Variants in CATSPERB observed in about 807,000 individuals in gnomAD.
CATSPERB encodes the protein catsper channel auxiliary subunit beta.
Under a neutral mutation model 128.3 loss-of-function variants are expected in CATSPERB, and 93 were observed. That is an observed-to-expected ratio of 0.72 (90% CI 0.61 to 0.86). The LOEUF (loss-of-function observed/expected upper bound fraction) is 0.86. CATSPERB is among the 40% of genes least tolerant of loss of function. The pLI, the probability that CATSPERB is intolerant of heterozygous loss-of-function variation, is 0.00. For synonymous variants in CATSPERB, 381 were observed against 448.8 expected (o/e 0.85, Z 1.91); for missense variants, 1,153 against 1,329.5 (o/e 0.87, Z 2.06).
chr14:91,692,368 T>G (rs1199107533), intron 9 of CATSPERB, among the ~76,000 whole-genome samples: 1 of 152,130 alleles, frequency 6.6e-6, no homozygotes, highest in Non-Finnish European at 1.5e-5. Context: ...ACTTTGATTT[T>G]AAGCCATTGT....
intron 26 of CATSPERB, among the ~76,000 whole-genome samples, chr14:91,583,782 C>CTT (rs538890386): frequency 6.7e-6 from 1 of 149,662 alleles, no homozygotes; most frequent in Non-Finnish European, 1.5e-5. Context: ...GATCTTACTC[C>CTT]TTTTTTTTTT....
chr14:91,697,801 G>A (rs1480360213), intron 7 of CATSPERB, among the ~76,000 whole-genome samples: 2 of 152,168 alleles, frequency 1.3e-5, no homozygotes, highest in African/African-American at 2.4e-5. Context: ...ATAGTTTGAA[G>A]TTGGGTAATG....
chr14:91,622,326 AC>A (rs1396865615), intron 18 of CATSPERB, among the ~76,000 whole-genome samples: 1 of 152,200 alleles, frequency 6.6e-6, no homozygotes, highest in Non-Finnish European at 1.5e-5. Flanking sequence ...TGTGCTTATT[AC>A]ACAGAAGATA....
chr14:91,608,802 C>A (rs1893764259), intron 21 of CATSPERB, among the ~76,000 whole-genome samples: 1 of 152,056 alleles, frequency 6.6e-6, no homozygotes, highest in Non-Finnish European at 1.5e-5. Flanking sequence ...CAAATTCTGA[C>A]AAGGCAAAAG....
rs749619855 is a variant in CATSPERB, at chr14:91,583,224, CT to C, written c.3133-2118del. Among the ~76,000 whole-genome samples, 4 of 152,238 alleles carry C rather than the reference CT, an allele frequency of 2.6e-5. No homozygotes were observed. The South Asian group carries it at 8.3e-4, about 32-fold the overall frequency. On this transcript the variant is annotated intron_variant, in intron 26 of 26. Coordinates refer to ENST00000256343, the MANE Select transcript of CATSPERB (RefSeq NM_024764.4). ...ACGAGGTCAGGAGATTGAGACCATC[CT>C]GGCTAACATGGTGAAACCCCATCTC... is the stretch of plus-strand genomic sequence containing the variant.
chr14:91,658,911 G>A lies in CATSPERB; in HGVS notation c.1432+926C>T, dbSNP rs184681973. Among the ~76,000 whole-genome samples the A allele has an allele frequency of 1.2e-3, 180 of 151,334 alleles. 1 individual carries two copies. The highest frequency in any genetic ancestry group is 2.2e-3 in the Non-Finnish European group (147 of 67,822). ...ACAAAATAAAATGAAAGTGCAGGTCGCAAACATACAGAAATAAATTGAGAA... is the reference window on the plus strand; with the variant it reads ...ACAAAATAAAATGAAAGTGCAGGTCACAAACATACAGAAATAAATTGAGAA... On this transcript the variant is annotated intron_variant, in intron 15 of 26. Transcript: ENST00000256343.
At chr14:91,649,352 TGTGTGTGTG>T (rs1894664662) in intron 15 of CATSPERB, among the ~76,000 whole-genome samples, 1 of 151,588 alleles carries the variant, frequency 6.6e-6, no homozygotes, top group Non-Finnish European at 1.5e-5. Context: ...TGTGTGTGTG[TGTGTGTGTG>T]TAGAGATTGT....
At chr14:91,610,823 T>C (rs762367880) in intron 20 of CATSPERB, 146 bp from the exon 21 acceptor site, 3 of 726,420 alleles carry the variant, frequency 4.1e-6, no homozygotes, top group Non-Finnish European at 4.5e-6. Flanking sequence ...AGGAGGTAAT[T>C]AAGGTAAAAT....
At chr14:91,722,594 C>T (rs1174125314) in intron 4 of CATSPERB, among the ~76,000 whole-genome samples, 5 of 152,054 alleles carry the variant, frequency 3.3e-5, no homozygotes, top group Non-Finnish European at 5.9e-5. Context: ...GATGGTTGCA[C>T]AACTCTATGA....
intron 15 of CATSPERB, among the ~76,000 whole-genome samples, chr14:91,646,404 T>C (rs1044495275): frequency 2.5e-4 from 38 of 152,194 alleles, no homozygotes; most frequent in African/African-American, 8.9e-4. Context: ...TTGGTCTCTG[T>C]GATTCTGCCC....
At position 91,693,298 on chromosome 14, in the gene CATSPERB, T is replaced by G. The variant is rs560399322; in HGVS notation, c.713-54A>C. On this transcript the variant is annotated intron_variant, in intron 8 of 26. Coordinates refer to ENST00000256343, the MANE Select transcript of CATSPERB (RefSeq NM_024764.4). ...AAAAGTAAGAAAAAAGTGAGTTCCT[T>G]ACTGAAGCAAAGACATTTTATAGAT... 16 of 1,552,226 alleles carry G rather than the reference T, an allele frequency of 1.0e-5. No homozygotes were observed. In the South Asian group the frequency reaches 1.7e-4, roughly 16 times the overall value.
chr14:91,591,197 G>C (rs1286898824), intron 23 of CATSPERB, among the ~76,000 whole-genome samples: 1 of 152,118 alleles, frequency 6.6e-6, no homozygotes, highest in African/African-American at 2.4e-5. Context: ...TGGGACTACA[G>C]GTGCAAGCCA....
intron 22 of CATSPERB, among the ~76,000 whole-genome samples, chr14:91,593,438 A>C (rs1482389719): frequency 6.6e-6 from 1 of 152,186 alleles, no homozygotes; most frequent in Non-Finnish European, 1.5e-5. Context: ...AACCATGAGA[A>C]CCCACCTCTT....
intron 14 of CATSPERB, among the ~76,000 whole-genome samples, chr14:91,662,191 C>T (rs1743096): frequency 6.6e-6 from 1 of 151,810 alleles, no homozygotes; most frequent in Admixed American, 6.6e-5. Flanking sequence ...TATCCAATAT[C>T]CTGAATTTTG....
At chr14:91,639,744 C>G (rs372394603) in intron 15 of CATSPERB, among the ~76,000 whole-genome samples, 3 of 152,108 alleles carry the variant, frequency 2.0e-5, no homozygotes, top group African/African-American at 2.4e-5. Context: ...CAGATGGTGC[C>G]GCAGCATTCA....
At chr14:91,705,637 C>T (rs1447452851) in intron 6 of CATSPERB, among the ~76,000 whole-genome samples, 5 of 152,184 alleles carry the variant, frequency 3.3e-5, no homozygotes, top group Non-Finnish European at 7.3e-5. Flanking sequence ...CTTTGAATAT[C>T]TGTTTTTCTC....
intron 7 of CATSPERB, among the ~76,000 whole-genome samples, chr14:91,701,330 G>A (rs1408597484): frequency 6.6e-6 from 1 of 152,170 alleles, no homozygotes; most frequent in African/African-American, 2.4e-5. Context: ...CTCACCCTGG[G>A]TTTTGAAATA....
chr14:91,712,910 G>A (rs1388802670), intron 5 of CATSPERB, among the ~76,000 whole-genome samples: 1 of 152,170 alleles, frequency 6.6e-6, no homozygotes, highest in African/African-American at 2.4e-5. Flanking sequence ...GACATGGGGA[G>A]AACACGAGCA....
At chr14:91,644,437 C>T (rs1285841264) in intron 15 of CATSPERB, among the ~76,000 whole-genome samples, 1 of 148,848 alleles carries the variant, frequency 6.7e-6, no homozygotes, top group Admixed American at 6.7e-5. Flanking sequence ...ATTTGCTTGT[C>T]TGTAAAGTAT....
Sources: gnomAD v4.1 joint callset for allele counts (sites outside exome capture counted in the v4.1 genomes callset) on GRCh38, gnomAD v4.1.1 for gene constraint, MANE v1.5 for transcripts, NCBI Gene and HGNC (gene_info 2026-07-23, HGNC 2026-07-21) for gene names.